ARHGAP15: variants seen among roughly 807,000 people sequenced by gnomAD.
ARHGAP15 encodes the protein rho GTPase-activating protein 15.
A neutral mutation model predicts 63.7 loss-of-function variants in ARHGAP15; 51 were observed. That is an observed-to-expected ratio of 0.80 (90% CI 0.64 to 1.01). The LOEUF is 1.01. Ranked by LOEUF, ARHGAP15 falls within the 50% of genes least tolerant of loss-of-function variation. The probability of loss-of-function intolerance (pLI) is 0.00; values close to 1 mark genes in which losing one functional copy is unlikely to be tolerated. For missense variants in ARHGAP15, 560 were observed against 564.6 expected (o/e 0.99, Z 0.08); for synonymous variants, 191 against 193.8 (o/e 0.99, Z 0.12).
At chr2:143,516,141 A>C (rs550447864) in intron 9 of ARHGAP15, among the ~76,000 whole-genome samples, 1 of 152,110 alleles carries the variant, frequency 6.6e-6, no homozygotes, top group Non-Finnish European at 1.5e-5. Context: ...AAATGTTCTT[A>C]CCTGTTTACT....
At chr2:143,394,544 A>C (rs535749445) in intron 6 of ARHGAP15, among the ~76,000 whole-genome samples, 2 of 152,286 alleles carry the variant, frequency 1.3e-5, no homozygotes, top group East Asian at 3.9e-4. Flanking sequence ...ATAAAGAGAA[A>C]TTCTGTCAAC....
chr2:143,467,242 CTTTTTTTTT>C (rs202115707), intron 8 of ARHGAP15, among the ~76,000 whole-genome samples: 1 of 57,894 alleles, frequency 1.7e-5, no homozygotes, highest in Non-Finnish European at 3.0e-5. Context: ...ACTCCATGGC[CTTTTTTTTT>C]TTTTTTTTTT....
At chr2:143,379,487 A>ATGTGTGTGTGTG (rs58976215) in intron 6 of ARHGAP15, among the ~76,000 whole-genome samples, 1,983 of 129,742 alleles carry the variant, frequency 0.015, 30 homozygotes, top group Non-Finnish European at 0.023. Context: ...AGGCATATAT[A>ATGTGTGTGTGTG]TGTGTGTGTG....
At chr2:143,619,734 TC>T (rs1461662981) in intron 11 of ARHGAP15, among the ~76,000 whole-genome samples, 1 of 152,212 alleles carries the variant, frequency 6.6e-6, no homozygotes, top group Non-Finnish European at 1.5e-5. Flanking sequence ...TAGTAAGTTC[TC>T]ACAAGATCTG....
Position 143,699,254 on chromosome 2 carries a change from GA to G in ARHGAP15, c.1139-4157del, listed in dbSNP as rs576010969. ...GAGTGGGTGTGGTATTGATTTGAAT[GA>G]AAAAAAACACTGCTTTACTATAACC... On this transcript the variant is annotated intron_variant, in intron 12 of 13. Transcript: ENST00000295095. Among the ~76,000 whole-genome samples the G allele has an allele frequency of 2.6e-5, 4 of 151,638 alleles. 1 individual carries two copies. In the East Asian group the frequency reaches 5.8e-4, roughly 22 times the overall value.
intron 6 of ARHGAP15, among the ~76,000 whole-genome samples, chr2:143,299,225 A>G (rs1461687168): frequency 6.6e-6 from 1 of 151,974 alleles, no homozygotes; most frequent in African/African-American, 2.4e-5. Flanking sequence ...TACACACTGC[A>G]GTAATTAAAA....
At chr2:143,145,719 A>C (rs1392724495) in intron 1 of ARHGAP15, among the ~76,000 whole-genome samples, 1 of 151,902 alleles carries the variant, frequency 6.6e-6, no homozygotes, top group African/African-American at 2.4e-5. Flanking sequence ...TTCAAACTGA[A>C]CCTTTCGTCA....
At chr2:143,459,339 G>C (rs965533065) in intron 8 of ARHGAP15, among the ~76,000 whole-genome samples, 7 of 151,444 alleles carry the variant, frequency 4.6e-5, no homozygotes, top group Non-Finnish European at 2.9e-5. Flanking sequence ...TAAATGGGGG[G>C]TGGGGGGAAG....
intron 6 of ARHGAP15, among the ~76,000 whole-genome samples, chr2:143,335,904 G>A (rs1426303017): frequency 1.3e-5 from 2 of 152,194 alleles, no homozygotes; most frequent in African/African-American, 4.8e-5. Context: ...GAAAATCATG[G>A]TATGTTTCAT....
At chr2:143,531,143 G>A (rs990046734) in intron 10 of ARHGAP15, among the ~76,000 whole-genome samples, 1 of 81,018 alleles carries the variant, frequency 1.2e-5, no homozygotes, top group Non-Finnish European at 2.7e-5. Flanking sequence ...TGTGTGTTCT[G>A]TTCTGGAAGG....
chr2:143,252,703 G>A (rs1055236963), intron 6 of ARHGAP15, among the ~76,000 whole-genome samples: 2 of 151,998 alleles, frequency 1.3e-5, no homozygotes, highest in African/African-American at 2.4e-5. Flanking sequence ...AAATGCATGA[G>A]TTTTGGTAAA....
intron 6 of ARHGAP15, among the ~76,000 whole-genome samples, chr2:143,332,405 A>G (rs1386465252): frequency 6.6e-6 from 1 of 152,094 alleles, no homozygotes; most frequent in Non-Finnish European, 1.5e-5. Flanking sequence ...TAAGATCTTC[A>G]TCTGTTGTAT....
chr2:143,332,070 G>A lies in ARHGAP15; in HGVS notation c.474+81470G>A, dbSNP rs558571439. Among the ~76,000 whole-genome samples, 6 of 152,222 alleles carry A rather than the reference G, an allele frequency of 3.9e-5. No homozygotes were observed. In the South Asian group the frequency reaches 1.2e-3, roughly 32 times the overall value. On this transcript the variant is annotated intron_variant, in intron 6 of 13. Coordinates refer to ENST00000295095, the MANE Select transcript of ARHGAP15 (RefSeq NM_018460.4). ...AATGCAGATGTTTGAGTCATAAGTG[G>A]TCCATCTCTCTTTCGGTCAACCTAT...
chr2:143,490,818 G>A (rs1427701689), intron 9 of ARHGAP15, among the ~76,000 whole-genome samples: 3 of 151,978 alleles, frequency 2.0e-5, no homozygotes, highest in African/African-American at 7.3e-5. Context: ...AGTAGAGATG[G>A]GGTTTTGCCA....
intron 13 of ARHGAP15, among the ~76,000 whole-genome samples, chr2:143,747,604 A>G (rs964105463): frequency 6.6e-6 from 1 of 152,116 alleles, no homozygotes; most frequent in Non-Finnish European, 1.5e-5. Context: ...TGCCTTTTCC[A>G]GGATGTCAGG....
At chr2:143,372,137 C>T (rs957206479) in intron 6 of ARHGAP15, among the ~76,000 whole-genome samples, 7 of 151,450 alleles carry the variant, frequency 4.6e-5, no homozygotes, top group African/African-American at 1.7e-4. Flanking sequence ...CCCAGGATTT[C>T]GAGACCAATC....
At chr2:143,305,623 T>C (rs11891849) in intron 6 of ARHGAP15, among the ~76,000 whole-genome samples, 4,262 of 152,176 alleles carry the variant, frequency 0.028, 205 homozygotes, top group African/African-American at 0.096. Context: ...TTACAAAACA[T>C]AGCACTTCCA....
chr2:143,200,257 G>A (rs558868485), intron 2 of ARHGAP15, among the ~76,000 whole-genome samples: 3 of 152,102 alleles, frequency 2.0e-5, no homozygotes, highest in Admixed American at 1.3e-4. Context: ...CCTGTGAAGC[G>A]AACATTGGGG....
At chr2:143,406,425 T>G (rs982883261) in intron 6 of ARHGAP15, among the ~76,000 whole-genome samples, 6 of 151,982 alleles carry the variant, frequency 3.9e-5, no homozygotes, top group South Asian at 2.1e-4. Context: ...GGATCATTGA[T>G]ACTGTCTTTG....
Sources: allele counts gnomAD v4.1 joint callset (sites outside exome capture counted in the v4.1 genomes callset), GRCh38; gene constraint gnomAD v4.1.1; transcripts MANE v1.5; gene names NCBI Gene and HGNC (gene_info 2026-07-23, HGNC 2026-07-21).